MDGA2: variants seen among roughly 807,000 people sequenced by gnomAD.
MDGA2 encodes the protein MAM domain-containing glycosylphosphatidylinositol anchor protein 2.
A neutral mutation model predicts 117.8 loss-of-function variants in MDGA2; 40 were observed. That is an observed-to-expected ratio of 0.34 (90% CI 0.26 to 0.44). The LOEUF is 0.44. Among genes scored for constraint, MDGA2 ranks in the 20% least tolerant of loss-of-function variants. The pLI, the probability that MDGA2 is intolerant of heterozygous loss-of-function variation, is 1.00. For missense variants in MDGA2, 1,123 were observed against 1,250.6 expected (o/e 0.90, Z 1.54); for synonymous variants, 452 against 439.0 (o/e 1.03, Z -0.37).
chr14:46,842,534 A>G (rs1317450630), intron 16 of MDGA2, among the ~76,000 whole-genome samples: 1 of 152,192 alleles, frequency 6.6e-6, no homozygotes, highest in Non-Finnish European at 1.5e-5. Flanking sequence ...TAAATTATAC[A>G]AATAATTTTC....
At chr14:47,162,411 T>A (rs1883680767) in intron 3 of MDGA2, among the ~76,000 whole-genome samples, 1 of 152,190 alleles carries the variant, frequency 6.6e-6, no homozygotes, top group Admixed American at 6.5e-5. Flanking sequence ...ATTCCTGAGT[T>A]GCTGTCTTCT....
At chr14:47,610,074 G>T (rs369000723) in intron 1 of MDGA2, among the ~76,000 whole-genome samples, 2 of 152,020 alleles carry the variant, frequency 1.3e-5, no homozygotes, top group East Asian at 1.9e-4. Context: ...AAAATCACAT[G>T]ATCATCTCAA....
intron 1 of MDGA2, among the ~76,000 whole-genome samples, chr14:47,398,367 A>G (rs1303352899): frequency 6.6e-6 from 1 of 152,192 alleles, no homozygotes; most frequent in Non-Finnish European, 1.5e-5. Flanking sequence ...CCTGGGTCCT[A>G]GTCCAACTCT....
chr14:47,163,461 G>A (rs978482693), intron 3 of MDGA2, among the ~76,000 whole-genome samples: 5 of 152,216 alleles, frequency 3.3e-5, no homozygotes, highest in African/African-American at 1.2e-4. Context: ...GATAGTGAAT[G>A]GGTCTTGTGA....
chr14:47,215,932 C>A (rs1369866347), intron 3 of MDGA2, among the ~76,000 whole-genome samples: 2 of 151,978 alleles, frequency 1.3e-5, no homozygotes, highest in African/African-American at 4.8e-5. Context: ...CAAAGGAAGT[C>A]AAAGAAGAGA....
At chr14:47,325,538 A>C (rs4581610) in intron 1 of MDGA2, among the ~76,000 whole-genome samples, 25,439 of 152,122 alleles carry the variant, frequency 0.17, 2,529 homozygotes, top group South Asian at 0.34. Flanking sequence ...TACTTTGAAA[A>C]GTACTATAAT....
At chr14:47,457,535 G>A (rs1893380795) in intron 1 of MDGA2, among the ~76,000 whole-genome samples, 1 of 152,124 alleles carries the variant, frequency 6.6e-6, no homozygotes, top group African/African-American at 2.4e-5. Context: ...TAGAGAGAGA[G>A]GAGATAATAT....
chr14:47,588,908 T>C (rs1465479888), intron 1 of MDGA2, among the ~76,000 whole-genome samples: 1 of 151,956 alleles, frequency 6.6e-6, no homozygotes, highest in Admixed American at 6.6e-5. Flanking sequence ...ATCTGTTTCC[T>C]TGTCCATTCA....
At chr14:47,431,713 C>T (rs1001209626) in intron 1 of MDGA2, among the ~76,000 whole-genome samples, 1 of 152,034 alleles carries the variant, frequency 6.6e-6, no homozygotes, top group Non-Finnish European at 1.5e-5. Context: ...TAACGGCACA[C>T]ATTTTTGTAA....
intron 10 of MDGA2, among the ~76,000 whole-genome samples, chr14:46,914,375 A>G (rs1443989475): frequency 6.6e-6 from 1 of 152,052 alleles, no homozygotes; most frequent in Non-Finnish European, 1.5e-5. Flanking sequence ...CCACAAATTA[A>G]TTTTTTAGCT....
chr14:47,169,866 TAA>T (rs1252640512), intron 3 of MDGA2, among the ~76,000 whole-genome samples: 2 of 151,990 alleles, frequency 1.3e-5, no homozygotes, highest in Non-Finnish European at 1.5e-5. Flanking sequence ...CTCTAAAATA[TAA>T]GTCAAATATA....
intron 1 of MDGA2, among the ~76,000 whole-genome samples, chr14:47,356,822 CA>C (rs949440120): frequency 1.2e-4 from 18 of 152,176 alleles, no homozygotes; most frequent in African/African-American, 4.3e-4. Context: ...GCATTCTAAA[CA>C]CCACCCATTG....
chr14:47,624,031 C>T (rs1003084393), intron 1 of MDGA2, among the ~76,000 whole-genome samples: 2 of 152,214 alleles, frequency 1.3e-5, no homozygotes, highest in African/African-American at 4.8e-5. Context: ...GCCTTACCAT[C>T]CCCTTTTTTG....
Position 47,288,715 on chromosome 14 carries a change from A to T in MDGA2, c.420+12696T>A, listed in dbSNP as rs190431834. ...TGTTATTTTTAGTTTTTTTGTTAAG[A>T]CCTTGGCATTAAAAGGAAGTCAAAA... On this transcript the variant is annotated intron_variant, in intron 2 of 16. Coordinates refer to ENST00000399232, the MANE Select transcript of MDGA2 (RefSeq NM_001113498.3). 2.8e-4 allele frequency among the ~76,000 whole-genome samples: 43 copies of T among 152,246 alleles called. No individual in the cohort carries two copies. The East Asian group carries it at 8.3e-3, about 29-fold the overall frequency.
chr14:46,966,758 CA>C (rs1886045152), intron 8 of MDGA2, among the ~76,000 whole-genome samples: 1 of 151,932 alleles, frequency 6.6e-6, no homozygotes. Flanking sequence ...ATGATTTTAG[CA>C]TTTTCTTTTT....
chr14:47,267,808 A>C (rs983328988), intron 2 of MDGA2, among the ~76,000 whole-genome samples: 1 of 152,066 alleles, frequency 6.6e-6, no homozygotes, highest in African/African-American at 2.4e-5. Flanking sequence ...TAATAATTTG[A>C]TTTATTTTTC....
chr14:47,499,478 C>A (rs1230175195), intron 1 of MDGA2, among the ~76,000 whole-genome samples: 1 of 152,138 alleles, frequency 6.6e-6, no homozygotes, highest in Non-Finnish European at 1.5e-5. Context: ...TCACAATATA[C>A]ATAAACACTG....
chr14:47,220,427 C>A (rs941652088), intron 2 of MDGA2, among the ~76,000 whole-genome samples: 1 of 152,172 alleles, frequency 6.6e-6, no homozygotes, highest in Non-Finnish European at 1.5e-5. Flanking sequence ...CATTTCCCAG[C>A]CATCCATTTA....
At chr14:47,535,778 T>A (rs200399484) in intron 1 of MDGA2, among the ~76,000 whole-genome samples, 1 of 152,346 alleles carries the variant, frequency 6.6e-6, no homozygotes, top group Non-Finnish European at 1.5e-5. Flanking sequence ...TTCTTCATAA[T>A]AAAAGCCACT....
Sources: gnomAD v4.1 joint callset for allele counts (sites outside exome capture counted in the v4.1 genomes callset) on GRCh38, gnomAD v4.1.1 for gene constraint, MANE v1.5 for transcripts, NCBI Gene and HGNC (gene_info 2026-07-23, HGNC 2026-07-21) for gene names.